The following CCDC180 variants were observed in gnomAD, a reference collection of about 807,000 sequenced individuals.
The protein encoded by CCDC180 is coiled-coil domain containing 180.
Under a neutral mutation model 209.2 loss-of-function variants are expected in CCDC180, and 154 were observed. The observed-to-expected ratio is 0.74, with a 90% CI of 0.65 to 0.84. The LOEUF is 0.84. Among genes scored for constraint, CCDC180 ranks in the 40% least tolerant of loss-of-function variants. The pLI is 0.00. For synonymous variants in CCDC180, 778 were observed against 749.1 expected, an observed-to-expected ratio of 1.04 and a Z score of -0.63; for missense variants, 1,874 against 1,997.3, an observed-to-expected ratio of 0.94 and a Z score of 1.18.
intron 19 of CCDC180, among the ~76,000 whole-genome samples, chr9:97,344,260 A>G: frequency 6.6e-6 from 1 of 152,190 alleles, no homozygotes; most frequent in Non-Finnish European, 1.5e-5. Context: ...CTCATCAGCT[A>G]GAGATCTCCT....
rs772898541 is a variant in CCDC180 at position 97,357,621 on chromosome 9, T to G, written c.3265-6T>G. On this transcript the variant is annotated splice_region_variant and splice_polypyrimidine_tract_variant and intron_variant, in intron 24 of 36. Coordinates refer to ENST00000529487, the MANE Select transcript of CCDC180 (RefSeq NM_020893.6). ...AAACAAAATCTCGGAACCTCTGGTT[T>G]TCTAGGTGGCAAAATCCAATTCGCA... 2.1e-5 allele frequency: 34 copies of G among 1,606,846 alleles called. No homozygotes were observed. In the East Asian group the frequency reaches 7.4e-4, roughly 35 times the overall value.
At chr9:97,348,304 C>T (rs888308496) in intron 20 of CCDC180, among the ~76,000 whole-genome samples, 6 of 152,118 alleles carry the variant, frequency 3.9e-5, no homozygotes, top group African/African-American at 7.2e-5. Flanking sequence ...TGAATCCCAG[C>T]GTTTGTGGGC....
rs753820050 is a variant in CCDC180, at chr9:97,314,843, ATTTCTAGCTAAAAAGCG to A, written c.700-6_710del. 6.2e-7 allele frequency: 1 copy of A among 1,613,056 alleles called. No individual in the cohort carries two copies. The highest frequency in any genetic ancestry group is 8.5e-7 in the Non-Finnish European group (1 of 1,179,018). ...GAGCCACTAAGTATGGTGCCTTGTC[ATTTCTAGCTAAAAAGCG>A]TGTTGAAGAAATATGCAGAAGTCAT... On this transcript the variant is annotated splice_acceptor_variant and splice_polypyrimidine_tract_variant and coding_sequence_variant and intron_variant, in exon 8 of 37. Transcript: ENST00000529487. LOFTEE classifies it high-confidence loss of function.
intron 12 of CCDC180, 70 bp from the exon 13 acceptor site, chr9:97,323,711 G>A: frequency 1.3e-6 from 2 of 1,496,836 alleles, no homozygotes; most frequent in South Asian, 1.3e-5. Context: ...GCTGAGGCCT[G>A]TAGGATGCAG....
Position 97,347,476 on chromosome 9 carries a change from C to T in CCDC180, c.2661C>T (p.His887=). 6.5e-7 allele frequency: 1 copy of T among 1,536,116 alleles called. No individual in the cohort carries two copies. The highest frequency in any genetic ancestry group is 8.7e-7 in the Non-Finnish European group (1 of 1,146,890). Residue 887 remains histidine, a synonymous_variant, in exon 20 of 37, where the codon CAC becomes CAT. Coordinates refer to ENST00000529487, the MANE Select transcript of CCDC180 (RefSeq NM_020893.6). The part of the protein sequence containing the change: ...PRAQQIEKDI[H]NVRAAELLLH... The stretch of plus-strand genomic sequence containing the variant: ...CCCAGCAGATTGAAAAAGACATCCA[C>T]AACGTCAGGGCAGGTACAGATGCTG...
chr9:97,313,115 C>A, intron 4 of CCDC180, 121 bp from the exon 5 acceptor site: 1 of 659,416 alleles, frequency 1.5e-6, no homozygotes. Flanking sequence ...CTCTGCCACC[C>A]TGACCTGGCT....
chr9:97,375,317 GT>G (rs1827220748), intron 35 of CCDC180, 136 bp from the exon 36 acceptor site: 2 of 1,177,752 alleles, frequency 1.7e-6, no homozygotes, highest in African/African-American at 3.1e-5. Context: ...CATTCAGTAT[GT>G]TTTTTCTTTT....
chr9:97,364,501 G>T (rs1348884971), intron 29 of CCDC180: 2 of 201,234 alleles, frequency 9.9e-6, no homozygotes, highest in Non-Finnish European at 2.0e-5. Flanking sequence ...TAGCTTCATT[G>T]CAAGCAAACA....
chr9:97,362,020 G>A, intron 27 of CCDC180, 122 bp downstream of exon 27: 1 of 1,374,528 alleles, frequency 7.3e-7, no homozygotes, highest in Non-Finnish European at 9.8e-7. Flanking sequence ...CTGAGAGCCT[G>A]TGACCTCAGG....
chr9:97,321,721 TCCCC>T (rs1833364406), intron 11 of CCDC180, among the ~76,000 whole-genome samples: 1 of 152,028 alleles, frequency 6.6e-6, no homozygotes, highest in Admixed American at 6.5e-5. Flanking sequence ...AATGAACAGG[TCCCC>T]AGCCATGGGA....
Position 97,349,205 on chromosome 9 carries a change from A to G in CCDC180, c.2769A>G (p.Gln923=). 1 of 1,536,580 alleles carries G rather than the reference A, an allele frequency of 6.5e-7. No individual in the cohort carries two copies. Among genetic ancestry groups the G allele is most frequent in the Middle Eastern group, 1.7e-4 (1 of 5,992 alleles). The change falls in exon 21 of 37, where the codon CAA becomes CAG. Residue 923 remains glutamine, a synonymous_variant. Transcript: ENST00000529487. ...KKKRLMFCQF[Q]EEQNVRSKNF... ...AGCGGCTGATGTTCTGCCAGTTCCA[A>G]GAAGAGCAAAACGTGAGGAGCAAAA...
chr9:97,336,409 C>T (rs1175721940), intron 18 of CCDC180, among the ~76,000 whole-genome samples: 1 of 152,126 alleles, frequency 6.6e-6, no homozygotes, highest in Non-Finnish European at 1.5e-5. Flanking sequence ...GCATCATTTA[C>T]TGAACAGGAG....
rs140603460 is a variant in CCDC180 at position 97,311,871 on chromosome 9, C to T, written c.261-242C>T. On this transcript the variant is annotated intron_variant, in intron 3 of 36. Coordinates refer to ENST00000529487, the MANE Select transcript of CCDC180 (RefSeq NM_020893.6). ...TGACCACCAGAGCCAGAGCAAGCTC[C>T]CTGAGGGCAGGGACCCAACCTCTCA... Among the ~76,000 whole-genome samples, 1,086 of 152,252 alleles carry T rather than the reference C, an allele frequency of 7.1e-3. 6 individuals are homozygous for T. Among genetic ancestry groups the T allele is most frequent in the Non-Finnish European group, 9.7e-3 (662 of 68,008 alleles).
chr9:97,342,968 C>G lies in CCDC180; in HGVS notation c.2275-372C>G, dbSNP rs544655155. On this transcript the variant is annotated intron_variant, in intron 18 of 36. Transcript: ENST00000529487. ...GAAAAATTGTAGACTTCTTTTTGAG[C>G]AGGAATCCCAAACTCAAATGCCCAC... is the stretch of plus-strand genomic sequence containing the variant. 1.2e-4 allele frequency among the ~76,000 whole-genome samples: 18 copies of G among 152,258 alleles called. No individual in the cohort carries two copies. The South Asian group carries it at 3.5e-3, about 30-fold the overall frequency.
At chr9:97,330,025 G>A (rs551659209) in intron 16 of CCDC180, 129 bp from the exon 17 acceptor site, 16 of 739,348 alleles carry the variant, frequency 2.2e-5, no homozygotes, top group Admixed American at 1.4e-4. Flanking sequence ...CCAAGACCGC[G>A]CCACTGCACT....
intron 5 of CCDC180, 126 bp downstream of exon 5, chr9:97,313,471 G>A (rs925277492): frequency 4.9e-5 from 30 of 610,166 alleles, no homozygotes; most frequent in African/African-American, 1.1e-4. Context: ...AGCCTTAGAC[G>A]ACATGGAACC....
At chr9:97,339,564 G>A (rs979715788) in intron 18 of CCDC180, among the ~76,000 whole-genome samples, 8 of 152,158 alleles carry the variant, frequency 5.3e-5, no homozygotes, top group East Asian at 3.8e-4. Context: ...TGGGTAACCC[G>A]ACCTTTCTCT....
intron 26 of CCDC180, among the ~76,000 whole-genome samples, chr9:97,361,208 G>A (rs535877343): frequency 6.6e-6 from 1 of 152,272 alleles, no homozygotes; most frequent in African/African-American, 2.4e-5. Context: ...CTTTCTCTAG[G>A]AGCCTGCTCA....
chr9:97,314,813 G>A (rs1466495750), intron 7 of CCDC180, 38 bp from the exon 8 acceptor site: 2 of 1,601,568 alleles, frequency 1.2e-6, no homozygotes, highest in Non-Finnish European at 1.7e-6. Context: ...AGTTCTCCAG[G>A]AAGTGAGCCA....
Sources: gnomAD v4.1 joint callset for allele counts (sites outside exome capture counted in the v4.1 genomes callset) on GRCh38, gnomAD v4.1.1 for gene constraint, MANE v1.5 for transcripts, NCBI Gene and HGNC (gene_info 2026-07-23, HGNC 2026-07-21) for gene names.